The following MYO18B variants were observed in gnomAD, a reference collection of about 807,000 sequenced individuals.
MYO18B encodes the protein myosin XVIIIB.
A neutral mutation model predicts 273.0 loss-of-function variants in MYO18B; 204 were observed. The ratio of observed to expected loss-of-function variants is 0.75; its 90% CI spans 0.67 to 0.84. The LOEUF (loss-of-function observed/expected upper bound fraction) is 0.84, where lower values mean the gene tolerates loss of function less well. MYO18B is among the 40% of genes least tolerant of loss of function. The probability of loss-of-function intolerance (pLI) is 0.00; values close to 1 mark genes in which losing one functional copy is unlikely to be tolerated. For synonymous variants in MYO18B, 1,330 were observed against 1,305.7 expected (o/e 1.02, Z -0.40); for missense variants, 3,212 against 3,287.6 (o/e 0.98, Z 0.56).
chr22:25,794,672 G>T (rs5761198), intron 11 of MYO18B, among the ~76,000 whole-genome samples: 111,943 of 151,458 alleles, frequency 0.74, 41,475 homozygotes, highest in East Asian at 0.86. Context: ...GCCCGGCTAA[G>T]TTTTTGTATT....
Position 25,828,804 on chromosome 22 carries a change from G to T in MYO18B, c.2815G>T (p.Ala939Ser), listed in dbSNP as rs1372571820. The T allele has an allele frequency of 6.2e-7, 1 of 1,613,612 alleles. No homozygotes were observed. The highest frequency in any genetic ancestry group is 8.5e-7 in the Non-Finnish European group (1 of 1,179,838). The change falls in exon 15 of 44, where the codon GCC (alanine) becomes TCC (serine). Residue 939 changes from alanine to serine, a missense_variant. Coordinates refer to ENST00000335473, the MANE Select transcript of MYO18B (RefSeq NM_032608.7). Reference sequence around the variant, plus strand: ...CTTTTCCTCCCACCATCTCTCCATGGCCTCCATCATGGTGGTGGACTCTCC... The same window carrying T: ...CTTTTCCTCCCACCATCTCTCCATGTCCTCCATCATGGTGGTGGACTCTCC... Reference protein sequence around the residue: ...RSFSSHHLSMASIMVVDSPGF... With the variant: ...RSFSSHHLSMSSIMVVDSPGF...
intron 12 of MYO18B, among the ~76,000 whole-genome samples, chr22:25,803,834 A>G (rs928029189): frequency 1.3e-5 from 2 of 152,130 alleles, no homozygotes; most frequent in South Asian, 2.1e-4. Context: ...CCCATGGTAG[A>G]CATAAACCAG....
At chr22:26,056,066 T>G in the MYO18B span, among the ~76,000 whole-genome samples, 9 of 152,224 alleles carry the variant, frequency 5.9e-5, no homozygotes, top group African/African-American at 2.2e-4. Flanking sequence ...TTACAGAATT[T>G]TAAAGAAAGA....
At chr22:25,913,900 T>C (rs1482410626) in intron 33 of MYO18B, among the ~76,000 whole-genome samples, 1 of 152,246 alleles carries the variant, frequency 6.6e-6, no homozygotes, top group East Asian at 1.9e-4. Flanking sequence ...TTTGCGCTTT[T>C]ATATCTTAAG....
intron 30 of MYO18B, 46 bp downstream of exon 30, chr22:25,902,782 A>G: frequency 6.5e-7 from 1 of 1,546,966 alleles, no homozygotes. Context: ...TGGTGGCTAA[A>G]TCTCGGGAAA....
chr22:25,771,093 C>T, intron 6 of MYO18B, 109 bp downstream of exon 6: 2 of 813,396 alleles, frequency 2.5e-6, no homozygotes, highest in Non-Finnish European at 4.0e-6. Context: ...TTCCTGACTA[C>T]CAATACCATT....
At chr22:25,956,689 T>TG (rs2092856464) in intron 39 of MYO18B, among the ~76,000 whole-genome samples, 1 of 152,186 alleles carries the variant, frequency 6.6e-6, no homozygotes, top group South Asian at 2.1e-4. Flanking sequence ...TTCTGTGACC[T>TG]GGGGTGTATC....
Position 25,798,039 on chromosome 22 carries a change from G to A in MYO18B, c.2463G>A (p.Arg821=), listed in dbSNP as rs760084836. 18 of 1,612,874 alleles carry A rather than the reference G, an allele frequency of 1.1e-5. No individual in the cohort carries two copies. In the East Asian group the frequency reaches 4.0e-4, roughly 36 times the overall value. Residue 821 remains arginine, a synonymous_variant, in exon 12 of 44, where the codon CGG becomes CGA. Transcript: ENST00000335473. ...TCGGCATCTCAGAGAGCGAGCAGCG[G>A]GCTGTTTGGCGGGTCCTGGCAGCCA... ...EMLGISESEQ[R]AVWRVLAAIY... is the part of the protein sequence containing the mutation.
At chr22:25,932,544 G>T (rs761451549) in intron 34 of MYO18B, among the ~76,000 whole-genome samples, 5 of 151,884 alleles carry the variant, frequency 3.3e-5, no homozygotes, top group Non-Finnish European at 7.4e-5. Flanking sequence ...AAGTAGCTGG[G>T]ATTATAGGCA....
chr22:26,026,113 T>C (rs1936219394), intron 42 of MYO18B, among the ~76,000 whole-genome samples: 1 of 152,202 alleles, frequency 6.6e-6, no homozygotes, highest in African/African-American at 2.4e-5. Context: ...AAACTACTTA[T>C]TTCACAGTAA....
chr22:25,876,284 G>C lies in MYO18B; in HGVS notation c.4176G>C (p.Gln1392His). Residue 1392 changes from glutamine to histidine, a missense_variant, in exon 24 of 44, where the codon CAG becomes CAC. Gln to His is a conservative substitution (Grantham distance 24). Transcript: ENST00000335473. ...WPWWQLLGSLQPLLSATIGTE... is the reference protein window; with the variant it reads ...WPWWQLLGSLHPLLSATIGTE... ...GGTGGCAGCTGCTTGGTTCCCTCCA[G>C]CCTCTACTTAGTGCCACCATTGGAA... is the stretch of plus-strand genomic sequence containing the variant. 2 of 1,613,410 alleles carry C rather than the reference G, an allele frequency of 1.2e-6. No individual in the cohort carries two copies. Among genetic ancestry groups the C allele is most frequent in the African/African-American group, 1.3e-5 (1 of 75,018 alleles).
intron 25 of MYO18B, among the ~76,000 whole-genome samples, chr22:25,889,108 G>T (rs905189495): frequency 3.3e-5 from 5 of 151,878 alleles, no homozygotes; most frequent in African/African-American, 7.3e-5. Context: ...ACAAAAATGG[G>T]ATTACACCAA....
intron 12 of MYO18B, among the ~76,000 whole-genome samples, chr22:25,809,105 G>A (rs1196299002): frequency 6.6e-6 from 1 of 152,056 alleles, no homozygotes; most frequent in African/African-American, 2.4e-5. Flanking sequence ...ACCACACCCA[G>A]CTAATTTTTG....
At chr22:25,860,036 C>T (rs2090685652) in intron 21 of MYO18B, among the ~76,000 whole-genome samples, 1 of 152,180 alleles carries the variant, frequency 6.6e-6, no homozygotes, top group South Asian at 2.1e-4. Context: ...TGCCTATATT[C>T]ATCTTTCTGC....
intron 25 of MYO18B, 96 bp from the exon 26 acceptor site, chr22:25,890,660 T>A (rs1424320946): frequency 6.6e-7 from 1 of 1,504,806 alleles, no homozygotes; most frequent in Non-Finnish European, 9.0e-7. Context: ...TTTCCCATGA[T>A]AGTGATTTGT....
intron 39 of MYO18B, among the ~76,000 whole-genome samples, chr22:25,967,497 G>C (rs370160854): frequency 6.6e-6 from 1 of 152,106 alleles, no homozygotes; most frequent in African/African-American, 2.4e-5. Flanking sequence ...TCTTTTTACT[G>C]TTCTTTTTTG....
the MYO18B span, among the ~76,000 whole-genome samples, chr22:26,055,007 A>G: frequency 6.6e-6 from 1 of 152,138 alleles, no homozygotes; most frequent in South Asian, 2.1e-4. Context: ...CAGACTGGCC[A>G]CCTGTCTTCT....
At position 25,768,717 on chromosome 22, in the gene MYO18B, G is replaced by T; in HGVS notation, c.801G>T (p.Arg267Ser). The change falls in exon 4 of 44, where the codon AGG (arginine) becomes AGT (serine). Residue 267 changes from arginine to serine, a missense_variant. By Grantham distance (110) the Arg-to-Ser change is moderately radical. Transcript: ENST00000335473. ...AGGGCAAAGACAGGCAGGGGACCAG[G>T]CCCCAAGCCCAAGGGCCCGGCGAGG... ...EPQGKDRQGT[R>S]PQAQGPGEGV... The T allele has an allele frequency of 1.9e-6, 3 of 1,586,792 alleles. No homozygotes were observed. The highest frequency in any genetic ancestry group is 2.6e-6 in the Non-Finnish European group (3 of 1,167,164).
chr22:25,771,581 TAGG>T (rs2086722334), intron 6 of MYO18B, among the ~76,000 whole-genome samples: 3 of 152,198 alleles, frequency 2.0e-5, no homozygotes, highest in Non-Finnish European at 4.4e-5. Flanking sequence ...CCTGCTATCT[TAGG>T]AGTTTTCCTC....
Sources: gnomAD v4.1 joint callset for allele counts (sites outside exome capture counted in the v4.1 genomes callset) on GRCh38, gnomAD v4.1.1 for gene constraint, MANE v1.5 for transcripts, NCBI Gene and HGNC (gene_info 2026-07-23, HGNC 2026-07-21) for gene names.